Variants in CHD3 observed in about 807,000 individuals in gnomAD.
CHD3 encodes the protein chromodomain helicase DNA binding protein 3.
Under a neutral mutation model 248.9 loss-of-function variants are expected in CHD3, and 52 were observed. The observed-to-expected ratio is 0.21, with a 90% CI of 0.17 to 0.26. The LOEUF (loss-of-function observed/expected upper bound fraction) is 0.26, where lower values mean the gene tolerates loss of function less well. Among genes scored for constraint, CHD3 ranks in the 10% least tolerant of loss-of-function variants. The probability of loss-of-function intolerance (pLI) is 1.00; values close to 1 mark genes in which losing one functional copy is unlikely to be tolerated. For missense variants in CHD3, 1,482 were observed against 2,605.8 expected, an observed-to-expected ratio of 0.57 and a Z score of 9.39; for synonymous variants, 985 against 985.2, an observed-to-expected ratio of 1.00 and a Z score of 0.00.
At position 7,899,660 on chromosome 17, in the gene CHD3, C is replaced by G; in HGVS notation, c.2544+117C>G. 2.7e-6 allele frequency: 3 copies of G among 1,117,818 alleles called. No individual in the cohort carries two copies. The South Asian group carries it at 4.3e-5, about 16-fold the overall frequency. The allele number at this position is 1,117,818 out of a possible 1,614,324, so 69.2% of individuals were successfully genotyped here. On this transcript the variant is annotated intron_variant, in intron 15 of 39. Coordinates refer to ENST00000330494, the MANE Select transcript of CHD3 (RefSeq NM_001005273.3). The surrounding 1 kb of genome is among the most constrained non-coding windows in gnomAD (Gnocchi z 6.8). ...CCTTTCTCCTCTTCCTCCACCTGTC[C>G]TCCTGTCTCTGCACTACCATCCTAG...
chr17:7,907,211 G>C lies in CHD3; in HGVS notation c.4752G>C (p.Glu1584Asp), dbSNP rs762876493. The C allele has an allele frequency of 6.2e-7, 1 of 1,614,240 alleles. No homozygotes were observed. Among genetic ancestry groups the C allele is most frequent in the South Asian group, 1.1e-5 (1 of 91,086 alleles). The change falls in exon 31 of 40, where the codon GAG (glutamate) becomes GAC (aspartate). Residue 1584 changes from glutamate to aspartate, a missense_variant. This residue lies in a region of CHD3 where 254 missense variants were observed against 266.7 expected (regional missense o/e 0.95). Transcript: ENST00000330494. The surrounding 1 kb of genome is among the most constrained non-coding windows in gnomAD (Gnocchi z 4.3). ...EEAENQEEKP[E>D]KNSRIGEKME... is the part of the protein sequence containing the mutation. ...CTGAAAACCAGGAGGAAAAGCCAGAGAAGAACAGCAGAATTGGGGAGAAGA... is the reference window on the plus strand; with the variant it reads ...CTGAAAACCAGGAGGAAAAGCCAGACAAGAACAGCAGAATTGGGGAGAAGA...
rs1261898305 is a variant in CHD3, at chr17:7,907,798, G to T, written c.5026+96G>T. On this transcript the variant is annotated intron_variant, in intron 33 of 39. Transcript: ENST00000330494. The surrounding 1 kb of genome is among the most constrained non-coding windows in gnomAD (Gnocchi z 4.3). ...ATGCTTGGGTCCTGGGCGGGTAGCTGTTTGAAAGGCCAGTACAGTACAGTA... is the reference window on the plus strand; with the variant it reads ...ATGCTTGGGTCCTGGGCGGGTAGCTTTTTGAAAGGCCAGTACAGTACAGTA... 1 of 1,514,576 alleles carries T rather than the reference G, an allele frequency of 6.6e-7. No individual in the cohort carries two copies. Among genetic ancestry groups the T allele is most frequent in the Non-Finnish European group, 8.8e-7 (1 of 1,132,728 alleles). 93.8% of individuals were successfully genotyped at this position (1,514,576 alleles called of 1,614,324 possible).
In CHD3 at chr17:7,890,547, GTTATTT is replaced by G. The variant is rs753823202; in HGVS notation, c.214-17_214-12del. On this transcript the variant is annotated intron_variant, in intron 2 of 39. Transcript: ENST00000330494. ...CTGGCAATGGTAGGGATGAATAAAT[GTTATTT>G]TTATTTCTTTCTCTTAGGACAGTGA... 3.2e-5 allele frequency: 48 copies of G among 1,495,744 alleles called. No individual in the cohort carries two copies. The East Asian group carries it at 1.0e-3, about 32-fold the overall frequency. 92.7% of individuals were successfully genotyped at this position (1,495,744 alleles called of 1,614,324 possible).
Position 7,895,531 on chromosome 17 carries a change from A to G in CHD3, c.1696A>G (p.Lys566Glu). The G allele has an allele frequency of 6.2e-7, 1 of 1,613,906 alleles. No homozygotes were observed. Among genetic ancestry groups the G allele is most frequent in the Non-Finnish European group, 8.5e-7 (1 of 1,179,858 alleles). ...GLSYWHCSWA[K>E]ELQLEIFHLV... ...ATCCTACTGGCACTGCTCCTGGGCCAAGGAGCTTCAGGTACTAGGACCTTT... is the reference window on the plus strand; with the variant it reads ...ATCCTACTGGCACTGCTCCTGGGCCGAGGAGCTTCAGGTACTAGGACCTTT... The change falls in exon 10 of 40, where the codon AAG becomes GAG. Residue 566 changes from lysine (K) to glutamate (E), a missense_variant. Transcript: ENST00000330494. This position sits in a 1 kb window ranked among gnomAD's most constrained non-coding sequence, Gnocchi z 4.9.
rs1267099976 is a variant in CHD3 at position 7,909,350 on chromosome 17, G to A, written c.5590+12G>A. 6 of 1,536,244 alleles carry A rather than the reference G, an allele frequency of 3.9e-6. No individual in the cohort carries two copies. Among genetic ancestry groups the A allele is most frequent in the Admixed American group, 2.0e-5 (1 of 49,572 alleles). ...CGTCCTGCACAAGGGTAAGGGCCGCGGCGGCCCCGCGCGGGGGAGGGCCCA... is the reference window on the plus strand; with the variant it reads ...CGTCCTGCACAAGGGTAAGGGCCGCAGCGGCCCCGCGCGGGGGAGGGCCCA... On this transcript the variant is annotated intron_variant, in intron 37 of 39. Transcript: ENST00000330494. The surrounding 1 kb of genome is among the most constrained non-coding windows in gnomAD (Gnocchi z 8.1).
rs559016040 is a variant in CHD3, at chr17:7,892,293, C to T, written c.510-993C>T. ...TTTCACACTCCGTCCTACGGAAGCC[C>T]ATCTTCAGGGCCCATGGAACTTACT... On this transcript the variant is annotated intron_variant, in intron 4 of 39. Coordinates refer to ENST00000330494, the MANE Select transcript of CHD3 (RefSeq NM_001005273.3). Among the ~76,000 whole-genome samples, 11 of 152,272 alleles carry T rather than the reference C, an allele frequency of 7.2e-5. 1 individual carries two copies. The highest frequency in any genetic ancestry group is 2.6e-4 in the African/African-American group (11 of 41,554).
chr17:7,895,669 A>G lies in CHD3; in HGVS notation c.1707+127A>G. 1 of 786,944 alleles carries G rather than the reference A, an allele frequency of 1.3e-6. No individual in the cohort carries two copies. Among genetic ancestry groups the G allele is most frequent in the South Asian group, 1.8e-5 (1 of 56,948 alleles). The allele number at this position is 786,944 out of a possible 1,614,324, so 48.7% of individuals were successfully genotyped here. On this transcript the variant is annotated intron_variant, in intron 10 of 39. Transcript: ENST00000330494. The surrounding 1 kb of genome is among the most constrained non-coding windows in gnomAD (Gnocchi z 4.9). ...CTCTCATTTCAGGCCTGTGGCCTTC[A>G]TACCCTACTTGCTTAGTTTCCATAT... is the stretch of plus-strand genomic sequence containing the variant.
chr17:7,889,052 C>T lies in CHD3; in HGVS notation c.52C>T (p.Leu18=). The T allele has an allele frequency of 6.2e-7, 1 of 1,614,242 alleles. No homozygotes were observed. Among genetic ancestry groups the T allele is most frequent in the South Asian group, 1.1e-5 (1 of 91,090 alleles). ...GTGGGCAAGAAGTAAAAATGACCAGCTGAGGATTTCTTTTCCTCCAGGACT... is the reference window on the plus strand; with the variant it reads ...GTGGGCAAGAAGTAAAAATGACCAGTTGAGGATTTCTTTTCCTCCAGGACT... The part of the protein sequence containing the change: ...ILWARSKNDQ[L]RISFPPGLCW... Residue 18 remains leucine, a synonymous_variant, in exon 1 of 40, where the codon CTG becomes TTG. Transcript: ENST00000330494. This position sits in a 1 kb window ranked among gnomAD's most constrained non-coding sequence, Gnocchi z 4.5.
chr17:7,902,296 C>G (rs1193531409), intron 20 of CHD3, among the ~76,000 whole-genome samples: 1 of 152,002 alleles, frequency 6.6e-6, no homozygotes, highest in Non-Finnish European at 1.5e-5. Flanking sequence ...GTGGCGCACA[C>G]CTGTAGTCCC....
Position 7,903,877 on chromosome 17 carries a change from C to T in CHD3, c.3780C>T (p.Ile1260=), listed in dbSNP as rs767114063. The T allele has an allele frequency of 1.9e-6, 3 of 1,614,110 alleles. No individual in the cohort carries two copies. Among genetic ancestry groups the T allele is most frequent in the Non-Finnish European group, 2.5e-6 (3 of 1,180,018 alleles). The part of the protein sequence containing the change: ...SSVIHYDNEA[I]ARLLDRNQDA... ...TGATTCATTATGACAATGAGGCCATCGCTCGGCTGTTGGACCGGAACCAGG... is the reference window on the plus strand; with the variant it reads ...TGATTCATTATGACAATGAGGCCATTGCTCGGCTGTTGGACCGGAACCAGG... The change falls in exon 24 of 40, where the codon ATC becomes ATT. Residue 1260 remains isoleucine (I), a synonymous_variant. Coordinates refer to ENST00000330494, the MANE Select transcript of CHD3 (RefSeq NM_001005273.3). The surrounding 1 kb of genome is among the most constrained non-coding windows in gnomAD (Gnocchi z 6.8).
In CHD3 at chr17:7,908,392, T is replaced by G; in HGVS notation, c.5153-10T>G. ...CCTGTTACCTCTTCTGTCTGCTGCC[T>G]TCTTTGCAGAGCTTCACACACTGTG... On this transcript the variant is annotated splice_polypyrimidine_tract_variant and intron_variant, in intron 34 of 39. Transcript: ENST00000330494. The surrounding 1 kb of genome is among the most constrained non-coding windows in gnomAD (Gnocchi z 5.8). 2.5e-6 allele frequency: 4 copies of G among 1,610,284 alleles called. No homozygotes were observed. The highest frequency in any genetic ancestry group is 3.4e-6 in the Non-Finnish European group (4 of 1,177,762).
At chr17:7,884,882 G>A, upstream of CHD3, 2 of 1,347,932 alleles carry the variant, frequency 1.5e-6, no homozygotes, top group East Asian at 3.1e-5. Flanking sequence ...AGAGGAGGAA[G>A]AAGAGGGCGA....
At position 7,889,510 on chromosome 17, in the gene CHD3, C is replaced by CT. The variant is rs1268405270; in HGVS notation, c.101-151dup. On this transcript the variant is annotated intron_variant, in intron 1 of 39. Transcript: ENST00000330494. This position sits in a 1 kb window ranked among gnomAD's most constrained non-coding sequence, Gnocchi z 4.5. ...AGAGCATCCCAGAGTACTCGAAACA[C>CT]TTTCTGTTTGCATCCAGTGAAGGGA... 6.6e-6 allele frequency among the ~76,000 whole-genome samples: 1 copy of CT among 152,224 alleles called. No homozygotes were observed. The highest frequency in any genetic ancestry group is 1.5e-5 in the Non-Finnish European group (1 of 68,034).
chr17:7,894,336 C>T, intron 7 of CHD3, 71 bp downstream of exon 7: 2 of 1,590,078 alleles, frequency 1.3e-6, no homozygotes, highest in Non-Finnish European at 1.7e-6. Context: ...ATTTTGACTT[C>T]TCTCTTCAAC....
In CHD3 at chr17:7,897,332, T is replaced by C. The variant is rs773259292; in HGVS notation, c.1919+38T>C. On this transcript the variant is annotated intron_variant, in intron 11 of 39. Transcript: ENST00000330494. This position sits in a 1 kb window ranked among gnomAD's most constrained non-coding sequence, Gnocchi z 4.8. Reference sequence around the variant, plus strand: ...TCCCTGGGAAGTCAGACCTGGTATATGACATTATTCTTACCATGGTGATGG... The same window carrying C: ...TCCCTGGGAAGTCAGACCTGGTATACGACATTATTCTTACCATGGTGATGG... 6.5e-7 allele frequency: 1 copy of C among 1,541,720 alleles called. No homozygotes were observed. Among genetic ancestry groups the C allele is most frequent in the South Asian group, 1.1e-5 (1 of 89,570 alleles).
rs1355488216 is a variant in CHD3, at chr17:7,902,999, C to T, written c.3433C>T (p.Leu1145=). Residue 1145 remains leucine (L), a synonymous_variant, in exon 22 of 40, where the codon CTG becomes TTG. Coordinates refer to ENST00000330494, the MANE Select transcript of CHD3 (RefSeq NM_001005273.3). ...STRAGGLGIN[L]ATADTVIIFD... Reference sequence around the variant, plus strand: ...CCGAGCTGGGGGCCTGGGCATCAATCTGGCCACTGCTGACACTGTCATCAT... The same window carrying T: ...CCGAGCTGGGGGCCTGGGCATCAATTTGGCCACTGCTGACACTGTCATCAT... 2 of 1,614,146 alleles carry T rather than the reference C, an allele frequency of 1.2e-6. No individual in the cohort carries two copies.
In CHD3 at chr17:7,899,203, G is replaced by T; in HGVS notation, c.2343+1G>T. On this transcript the variant is annotated splice_donor_variant, in intron 14 of 39. Coordinates refer to ENST00000330494, the MANE Select transcript of CHD3 (RefSeq NM_001005273.3). LOFTEE classifies it high-confidence loss of function. This position sits in a 1 kb window ranked among gnomAD's most constrained non-coding sequence, Gnocchi z 6.8. ...CTTCCTCTACTCACTCTACAAGGAG[G>T]TGCTGGATTCTAGGACCTTGAAGGG... 1 of 1,612,464 alleles carries T rather than the reference G, an allele frequency of 6.2e-7. No individual in the cohort carries two copies. Among genetic ancestry groups the T allele is most frequent in the Non-Finnish European group, 8.5e-7 (1 of 1,178,750 alleles).
chr17:7,911,387 G>C lies in CHD3; in HGVS notation c.5882-77G>C. On this transcript the variant is annotated intron_variant, in intron 39 of 39. Coordinates refer to ENST00000330494, the MANE Select transcript of CHD3 (RefSeq NM_001005273.3). The surrounding 1 kb of genome is among the most constrained non-coding windows in gnomAD (Gnocchi z 5.4). The stretch of plus-strand genomic sequence containing the variant: ...AAGTGGCAGGAGGTGACCTAGAAGT[G>C]AGAATTCACCATTGTCATGAAGTGA... The C allele has an allele frequency of 6.2e-7, 1 of 1,608,948 alleles. No homozygotes were observed.
At chr17:7,885,027 CGCCGCCGCCGCCGCCGCCGCCACCGCT>C, upstream of CHD3, 1 of 1,046,732 alleles carries the variant, frequency 9.6e-7, no homozygotes, top group Non-Finnish European at 1.2e-6. Flanking sequence ...CACCTCTTCC[CGCCGCCGCCGCCGCCGCCGCCACCGCT>C]GCCCCCGCCG....
Sources: allele counts gnomAD v4.1 joint callset (sites outside exome capture counted in the v4.1 genomes callset), GRCh38; gene constraint gnomAD v4.1.1; regional missense constraint gnomAD v4.1.1; non-coding constraint Gnocchi (gnomAD v3.1); transcripts MANE v1.5; gene names NCBI Gene and HGNC (gene_info 2026-07-23, HGNC 2026-07-21).